Variants in IFFO2 observed in about 807,000 individuals in gnomAD.
The protein encoded by IFFO2 is intermediate filament family orphan 2.
In IFFO2, 19 loss-of-function variants were observed where a neutral mutation model predicts 53.5. That is an observed-to-expected ratio of 0.36 (90% confidence interval 0.25 to 0.52). The LOEUF (loss-of-function observed/expected upper bound fraction) is 0.52, where lower values mean the gene tolerates loss of function less well. Among genes scored for constraint, IFFO2 ranks in the 20% least tolerant of loss-of-function variants. The probability of loss-of-function intolerance (pLI) is 0.94; values close to 1 mark genes in which losing one functional copy is unlikely to be tolerated. For missense variants in IFFO2, 570 were observed against 727.4 expected (o/e 0.78, Z 2.49); for synonymous variants, 303 against 313.6 (o/e 0.97, Z 0.36).
At position 18,910,410 on chromosome 1, in the gene IFFO2, G is replaced by A. The variant is rs1226997361; in HGVS notation, c.1380C>T (p.Cys460=). 1 of 1,614,056 alleles carries A rather than the reference G, an allele frequency of 6.2e-7. No homozygotes were observed. Among genetic ancestry groups the A allele is most frequent in the Middle Eastern group, 1.6e-4 (1 of 6,062 alleles). Residue 460 remains cysteine (C), a synonymous_variant, in exon 8 of 9, where the codon TGC becomes TGT. Transcript: ENST00000455833. ...NRHLHEYMEM[C]SMKRGLDVQM... Reference sequence around the variant, plus strand: ...GCACGTCCAGGCCTCGCTTCATGCTGCACATCTCCATGTACTCGTGCAGGT... The same window carrying A: ...GCACGTCCAGGCCTCGCTTCATGCTACACATCTCCATGTACTCGTGCAGGT...
In IFFO2 at chr1:18,947,171, G is replaced by A. The variant is rs61763675; in HGVS notation, c.665+8497C>T. Among the ~76,000 whole-genome samples, 3 of 152,222 alleles carry A rather than the reference G, an allele frequency of 2.0e-5. No individual in the cohort carries two copies. Among genetic ancestry groups the A allele is most frequent in the African/African-American group, 7.2e-5 (3 of 41,452 alleles). On this transcript the variant is annotated intron_variant, in intron 1 of 8. Coordinates refer to ENST00000455833, the MANE Select transcript of IFFO2 (RefSeq NM_001136265.2). This position sits in a 1 kb window ranked among gnomAD's most constrained non-coding sequence, Gnocchi z 5.0. ...CCCCAACAAGAGGCACCAAACGATT[G>A]TAACAACTTCCCTGTTCCCTGGCAA... is the stretch of plus-strand genomic sequence containing the variant.
At chr1:18,910,038 G>T (rs1936010615) in intron 8 of IFFO2, among the ~76,000 whole-genome samples, 1 of 152,158 alleles carries the variant, frequency 6.6e-6, no homozygotes, top group Non-Finnish European at 1.5e-5. Flanking sequence ...AGCTCCTTGA[G>T]GGCAGGGGCT....
At position 18,918,150 on chromosome 1, in the gene IFFO2, T is replaced by C. The variant is rs1020599278; in HGVS notation, c.963+212A>G. ...CTCTGGGCCTCGGTCTCCCCAGCCA[T>C]AGGATGAAGCAGTCAGACGAGCCTA... On this transcript the variant is annotated intron_variant, in intron 4 of 8. Transcript: ENST00000455833. This position sits in a 1 kb window ranked among gnomAD's most constrained non-coding sequence, Gnocchi z 5.2. 6.6e-6 allele frequency among the ~76,000 whole-genome samples: 1 copy of C among 152,064 alleles called. No individual in the cohort carries two copies. Among genetic ancestry groups the C allele is most frequent in the Admixed American group, 6.5e-5 (1 of 15,278 alleles).
chr1:18,952,784 T>C (rs1936674215), intron 1 of IFFO2, among the ~76,000 whole-genome samples: 1 of 152,250 alleles, frequency 6.6e-6, no homozygotes, highest in Non-Finnish European at 1.5e-5. Flanking sequence ...TGGTAATGAC[T>C]GCACAACTCT....
chr1:18,937,084 G>A (rs1037198101), intron 1 of IFFO2, among the ~76,000 whole-genome samples: 1 of 152,286 alleles, frequency 6.6e-6, no homozygotes, highest in Non-Finnish European at 1.5e-5. Flanking sequence ...CACAGGCAGC[G>A]GCTGGCTCAG....
intron 1 of IFFO2, among the ~76,000 whole-genome samples, chr1:18,946,969 G>A (rs1936596356): frequency 6.6e-6 from 1 of 152,190 alleles, no homozygotes; most frequent in African/African-American, 2.4e-5. Context: ...GTTGGAGAAG[G>A]TACTGGGCAC....
intron 1 of IFFO2, among the ~76,000 whole-genome samples, chr1:18,922,803 C>T (rs1041987089): frequency 1.1e-4 from 16 of 152,194 alleles, no homozygotes; most frequent in Admixed American, 5.2e-4. Flanking sequence ...CAACTGAAGC[C>T]GAGTGGTCAA....
chr1:18,922,651 C>A (rs9426696), intron 1 of IFFO2, among the ~76,000 whole-genome samples: 1 of 151,806 alleles, frequency 6.6e-6, no homozygotes, highest in Non-Finnish European at 1.5e-5. Flanking sequence ...GGCTCCCGGG[C>A]CCGGACCTGG....
At chr1:18,950,476 A>G (rs540395563) in intron 1 of IFFO2, among the ~76,000 whole-genome samples, 1 of 152,350 alleles carries the variant, frequency 6.6e-6, no homozygotes, top group East Asian at 1.9e-4. Flanking sequence ...CCTCTTTTAC[A>G]GAGGACGAAG....
chr1:18,943,786 A>C (rs1018015954), intron 1 of IFFO2, among the ~76,000 whole-genome samples: 16 of 152,116 alleles, frequency 1.1e-4, no homozygotes, highest in African/African-American at 3.9e-4. Context: ...ATGGAGACAA[A>C]CCCCACGGGC....
At chr1:18,913,864 G>A (rs562705373) in intron 5 of IFFO2, among the ~76,000 whole-genome samples, 199 of 152,230 alleles carry the variant, frequency 1.3e-3, no homozygotes, top group Admixed American at 2.8e-3. Context: ...ACGGAGTCTC[G>A]CTGTCGCCCA....
chr1:18,953,542 G>A (rs558211425), intron 1 of IFFO2, among the ~76,000 whole-genome samples: 16 of 152,180 alleles, frequency 1.1e-4, no homozygotes, highest in Non-Finnish European at 1.5e-4. Flanking sequence ...AGAAAGCCTG[G>A]GGTTTCAAGG....
In IFFO2 at chr1:18,917,037, G is replaced by T; in HGVS notation, c.969C>A (p.Val323=). ...SEDVSKIFQV[V]PKKKERKVAS... The stretch of plus-strand genomic sequence containing the variant: ...CCACCTTACGCTCTTTCTTTTTGGG[G>T]ACCACCTGAACCGGAAAGGAAGCAA... The change falls in exon 5 of 9, where the codon GTC becomes GTA. Residue 323 remains valine, a synonymous_variant. Transcript: ENST00000455833. The surrounding 1 kb of genome is among the most constrained non-coding windows in gnomAD (Gnocchi z 5.9). The T allele has an allele frequency of 6.4e-7, 1 of 1,552,210 alleles. No individual in the cohort carries two copies. The highest frequency in any genetic ancestry group is 1.4e-5 in the African/African-American group (1 of 73,160).
At chr1:18,955,234 G>T (rs1459078549) in intron 1 of IFFO2, among the ~76,000 whole-genome samples, 1 of 152,142 alleles carries the variant, frequency 6.6e-6, no homozygotes, top group Non-Finnish European at 1.5e-5. Context: ...GCCAGGAGTG[G>T]TTAAAATCTC....
intron 8 of IFFO2, among the ~76,000 whole-genome samples, chr1:18,909,072 G>A (rs151130872): frequency 6.6e-6 from 1 of 151,858 alleles, no homozygotes; most frequent in African/African-American, 2.4e-5. Flanking sequence ...GATGAGCTGG[G>A]GGTGGGGGAA....
chr1:18,944,789 C>T (rs1936565517), intron 1 of IFFO2, among the ~76,000 whole-genome samples: 1 of 152,132 alleles, frequency 6.6e-6, no homozygotes, highest in African/African-American at 2.4e-5. Context: ...GGATGGGGGA[C>T]AGGATGTCCC....
intron 8 of IFFO2, 43 bp from the exon 9 acceptor site, chr1:18,908,709 G>A: frequency 7.0e-7 from 1 of 1,435,008 alleles, no homozygotes; most frequent in Non-Finnish European, 9.6e-7. Context: ...GAGCAGCCCT[G>A]GGCCTCTGAA....
intron 1 of IFFO2, among the ~76,000 whole-genome samples, chr1:18,943,564 C>A (rs1369312436): frequency 2.0e-5 from 3 of 152,182 alleles, no homozygotes; most frequent in African/African-American, 4.8e-5. Flanking sequence ...AGGGCTTAAC[C>A]CAGAGATAAG....
At position 18,923,570 on chromosome 1, in the gene IFFO2, A is replaced by C. The variant is rs368331384; in HGVS notation, c.666-2449T>G. 2.0e-5 allele frequency among the ~76,000 whole-genome samples: 3 copies of C among 152,158 alleles called. No homozygotes were observed. In the East Asian group the frequency reaches 5.8e-4, roughly 29 times the overall value. On this transcript the variant is annotated intron_variant, in intron 1 of 8. Transcript: ENST00000455833. ...TCACTGGCTTGAATGTGAATTATTAACCCTCTTGGGGAAAGAATTTCTAAC... is the reference window on the plus strand; with the variant it reads ...TCACTGGCTTGAATGTGAATTATTACCCCTCTTGGGGAAAGAATTTCTAAC...
Sources: allele counts gnomAD v4.1 joint callset (sites outside exome capture counted in the v4.1 genomes callset), GRCh38; gene constraint gnomAD v4.1.1; non-coding constraint Gnocchi (gnomAD v3.1); transcripts MANE v1.5; gene names NCBI Gene and HGNC (gene_info 2026-07-23, HGNC 2026-07-21).